MEGF10: variants seen among roughly 807,000 people sequenced by gnomAD.
MEGF10 encodes the protein multiple epidermal growth factor-like domains protein 10.
Under a neutral mutation model 147.5 loss-of-function variants are expected in MEGF10, and 86 were observed. The observed-to-expected ratio is 0.58, with a 90% CI of 0.49 to 0.70. The LOEUF (loss-of-function observed/expected upper bound fraction) is 0.70, where lower values mean the gene tolerates loss of function less well. Ranked by LOEUF, MEGF10 falls within the 30% of genes least tolerant of loss-of-function variation. The pLI is 0.00. For missense variants in MEGF10, 1,329 were observed against 1,487.3 expected (o/e 0.89, Z 1.75); for synonymous variants, 478 against 525.5 (o/e 0.91, Z 1.24).
At chr5:127,334,270 C>G (rs886868022) in intron 2 of MEGF10, among the ~76,000 whole-genome samples, 1 of 152,060 alleles carries the variant, frequency 6.6e-6, no homozygotes, top group Non-Finnish European at 1.5e-5. Context: ...ACCACCTGTA[C>G]CCAATGGCTC....
chr5:127,406,869 C>T (rs973139052), intron 8 of MEGF10, among the ~76,000 whole-genome samples: 4 of 152,090 alleles, frequency 2.6e-5, no homozygotes, highest in South Asian at 2.1e-4. Context: ...TTTCGAATGC[C>T]GATAGTGCTG....
At chr5:127,263,530 A>C in the MEGF10 span, among the ~76,000 whole-genome samples, 2 of 152,124 alleles carry the variant, frequency 1.3e-5, no homozygotes, top group African/African-American at 4.8e-5. Flanking sequence ...GCTTAGTTGA[A>C]GGGAAAAAAA....
intron 5 of MEGF10, among the ~76,000 whole-genome samples, chr5:127,382,078 G>T (rs933269784): frequency 1.6e-4 from 24 of 152,128 alleles, no homozygotes; most frequent in African/African-American, 5.6e-4. Context: ...ATTTCCCCAG[G>T]TCAGAATTTC....
the MEGF10 span, among the ~76,000 whole-genome samples, chr5:127,264,140 A>G: frequency 1.8e-3 from 273 of 152,324 alleles, 1 homozygote; most frequent in Middle Eastern, 0.01. Context: ...ATGGGTATAA[A>G]TAAGGTACTT....
intron 5 of MEGF10, among the ~76,000 whole-genome samples, chr5:127,380,599 C>A (rs1186054028): frequency 6.6e-6 from 1 of 151,694 alleles, no homozygotes; most frequent in Non-Finnish European, 1.5e-5. Flanking sequence ...CTCACTGCAA[C>A]CCCCGCCTCC....
At chr5:127,311,648 C>G (rs932483503) in intron 1 of MEGF10, among the ~76,000 whole-genome samples, 1 of 152,166 alleles carries the variant, frequency 6.6e-6, no homozygotes, top group African/African-American at 2.4e-5. Context: ...AGAACTGTGT[C>G]TGGAATTTGC....
chr5:127,451,458 T>C (rs148037710), intron 22 of MEGF10, among the ~76,000 whole-genome samples: 89 of 152,340 alleles, frequency 5.8e-4, no homozygotes, highest in African/African-American at 2.0e-3. Context: ...AGTAAAATTA[T>C]TTACATACGA....
At chr5:127,391,096 GCGCGCGCACACACACACACACA>G (rs1370664694) in intron 5 of MEGF10, among the ~76,000 whole-genome samples, 1 of 29,366 alleles carries the variant, frequency 3.4e-5, no homozygotes, top group African/African-American at 7.2e-5. Flanking sequence ...ATGCGCGCGC[GCGCGCGCACACACACACACACA>G]CACACACACA....
intron 24 of MEGF10, among the ~76,000 whole-genome samples, 159 bp downstream of exon 24, chr5:127,455,766 G>A (rs1264741460): frequency 7.3e-6 from 1 of 136,462 alleles, no homozygotes; most frequent in Admixed American, 7.0e-5. Context: ...TTTTTGAGAT[G>A]GGGTCTCTCT....
rs746829205 is a variant in MEGF10, at chr5:127,449,241, C to G, written c.2980+19C>G. On this transcript the variant is annotated intron_variant, in intron 22 of 24. Transcript: ENST00000503335. ...GAGCTCGGTGAGTTCTCCCAACGCA[C>G]GTCCCCAGAAGCACCTTGACCTGTC... 2 of 1,612,514 alleles carry G rather than the reference C, an allele frequency of 1.2e-6. No homozygotes were observed. Among genetic ancestry groups the G allele is most frequent in the Non-Finnish European group, 8.5e-7 (1 of 1,179,504 alleles).
At chr5:127,407,600 A>G (rs1032702788) in intron 8 of MEGF10, among the ~76,000 whole-genome samples, 11 of 152,158 alleles carry the variant, frequency 7.2e-5, no homozygotes, top group Non-Finnish European at 1.5e-4. Context: ...ATTTATTGCT[A>G]TATCTTTATT....
intron 13 of MEGF10, among the ~76,000 whole-genome samples, chr5:127,429,148 T>A (rs912290256): frequency 6.6e-6 from 1 of 152,236 alleles, no homozygotes; most frequent in African/African-American, 2.4e-5. Flanking sequence ...CTTCCCAATA[T>A]TTTAGAAGTT....
chr5:127,344,482 A>G (rs1048880038), intron 4 of MEGF10, among the ~76,000 whole-genome samples: 23 of 152,218 alleles, frequency 1.5e-4, no homozygotes, highest in Admixed American at 1.2e-3. Context: ...TATGCTGAAC[A>G]GAGAATGAGA....
intron 4 of MEGF10, among the ~76,000 whole-genome samples, chr5:127,363,232 G>T (rs544111538): frequency 1.3e-5 from 2 of 152,244 alleles, no homozygotes; most frequent in East Asian, 3.9e-4. Context: ...CTGAAAGATC[G>T]TTCAAAAGAG....
At chr5:127,421,648 G>A (rs1247823167) in intron 12 of MEGF10, among the ~76,000 whole-genome samples, 4 of 152,178 alleles carry the variant, frequency 2.6e-5, no homozygotes, top group African/African-American at 7.2e-5. Flanking sequence ...AAGGAGGTGT[G>A]TCAACTCATA....
At chr5:127,239,073 T>C in the MEGF10 span, among the ~76,000 whole-genome samples, 3 of 152,072 alleles carry the variant, frequency 2.0e-5, no homozygotes, top group East Asian at 5.8e-4. Flanking sequence ...CAAACACACA[T>C]TAAAGGACAT....
chr5:127,394,377 A>C (rs1561617164), intron 5 of MEGF10, among the ~76,000 whole-genome samples: 2 of 152,202 alleles, frequency 1.3e-5, no homozygotes, highest in South Asian at 2.1e-4. Context: ...TTTAATACAG[A>C]GGAGAGTGGT....
At chr5:127,361,242 A>G (rs1762460887) in intron 4 of MEGF10, among the ~76,000 whole-genome samples, 1 of 151,990 alleles carries the variant, frequency 6.6e-6, no homozygotes, top group Non-Finnish European at 1.5e-5. Flanking sequence ...AGGTCCATTC[A>G]GGTTATTTAT....
At position 127,375,032 on chromosome 5, in the gene MEGF10, G is replaced by A. The variant is rs542931469; in HGVS notation, c.412+5030G>A. On this transcript the variant is annotated intron_variant, in intron 5 of 24. Coordinates refer to ENST00000503335, the MANE Select transcript of MEGF10 (RefSeq NM_001256545.2). ...GTCATCAACTTCATTACTGTCATGG[G>A]AGTATTAAGAGGTATTCCACAGAAT... 2.3e-4 allele frequency among the ~76,000 whole-genome samples: 35 copies of A among 152,250 alleles called. No individual in the cohort carries two copies. The South Asian group carries it at 6.4e-3, about 28-fold the overall frequency.
Sources: gnomAD v4.1 joint callset for allele counts (sites outside exome capture counted in the v4.1 genomes callset) on GRCh38, gnomAD v4.1.1 for gene constraint, MANE v1.5 for transcripts, NCBI Gene and HGNC (gene_info 2026-07-23, HGNC 2026-07-21) for gene names.